Variants in DDX59 observed in about 807,000 individuals in gnomAD.
DDX59 encodes the protein DEAD-box helicase 59.
DDX59 carries 30 observed loss-of-function variants against 51.9 expected under a neutral mutation model. The ratio of observed to expected loss-of-function variants is 0.58; its 90% CI spans 0.43 to 0.78. The LOEUF is 0.78. Among genes scored for constraint, DDX59 ranks in the 30% least tolerant of loss-of-function variants. The pLI, the probability that DDX59 is intolerant of heterozygous loss-of-function variation, is 0.00. For synonymous variants in DDX59, 255 were observed against 253.3 expected (o/e 1.01, Z -0.06); for missense variants, 672 against 730.8 (o/e 0.92, Z 0.93).
At chr1:200,658,374 C>T (rs1033621553) in intron 4 of DDX59, among the ~76,000 whole-genome samples, 3 of 151,822 alleles carry the variant, frequency 2.0e-5, no homozygotes, top group African/African-American at 7.3e-5. Context: ...TCACAGATGC[C>T]TATGTCCACA....
At chr1:200,642,788 C>T (rs1267490930), downstream of DDX59, among the ~76,000 whole-genome samples, 1 of 152,144 alleles carries the variant, frequency 6.6e-6, no homozygotes, top group Non-Finnish European at 1.5e-5. Context: ...GAGTTAGGGG[C>T]TCTTTCCTCC....
chr1:200,654,146 G>A (rs1189497528), intron 4 of DDX59, among the ~76,000 whole-genome samples: 12 of 152,208 alleles, frequency 7.9e-5, no homozygotes. Flanking sequence ...GGGCGTGGTG[G>A]CTCAAGCCTG....
intron 4 of DDX59, among the ~76,000 whole-genome samples, chr1:200,658,625 G>A (rs1662182332): frequency 6.6e-6 from 1 of 152,196 alleles, no homozygotes; most frequent in South Asian, 2.1e-4. Flanking sequence ...GAGTGTGGGA[G>A]GTTGAGGCTG....
intron 3 of DDX59, among the ~76,000 whole-genome samples, chr1:200,661,877 G>A (rs73074965): frequency 0.12 from 18,014 of 152,170 alleles, 1,552 homozygotes; most frequent in East Asian, 0.41. Flanking sequence ...GGATCTGGAG[G>A]GAGGTGATTG....
At chr1:200,665,540 AC>A (rs1662672030) in intron 2 of DDX59, among the ~76,000 whole-genome samples, 1 of 152,160 alleles carries the variant, frequency 6.6e-6, no homozygotes. Context: ...ATGTGTTCCA[AC>A]TTCAGTATAA....
downstream of DDX59, chr1:200,644,002 G>A (rs1454613880): frequency 2.5e-6 from 1 of 392,390 alleles, no homozygotes; most frequent in African/African-American, 2.2e-5. Context: ...GTAGCTCTGA[G>A]GACTGTTTAT....
intron 3 of DDX59, among the ~76,000 whole-genome samples, chr1:200,661,300 T>C (rs981533536): frequency 2.0e-5 from 3 of 152,106 alleles, no homozygotes; most frequent in Admixed American, 2.0e-4. Flanking sequence ...TAAATAAATA[T>C]ATAAATAAAT....
chr1:200,656,388 G>A (rs139991023), intron 4 of DDX59, among the ~76,000 whole-genome samples: 51 of 152,162 alleles, frequency 3.4e-4, no homozygotes, highest in African/African-American at 1.1e-3. Context: ...TAACGTTCTC[G>A]CCTTTACTTC....
chr1:200,650,691 T>C lies in DDX59; in HGVS notation c.1063-15A>G. On this transcript the variant is annotated splice_polypyrimidine_tract_variant and intron_variant, in intron 4 of 7. Coordinates refer to ENST00000331314, the MANE Select transcript of DDX59 (RefSeq NM_001031725.6). ...ATGGTATCAGCCTAAAATAAAATTG[T>C]ATTAAAGTTAGTCTTGTTTGACATT... The C allele has an allele frequency of 6.3e-7, 1 of 1,579,686 alleles. No homozygotes were observed. Among genetic ancestry groups the C allele is most frequent in the Non-Finnish European group, 8.6e-7 (1 of 1,158,748 alleles).
intron 2 of DDX59, among the ~76,000 whole-genome samples, chr1:200,664,777 G>A (rs1159690378): frequency 6.6e-6 from 1 of 152,038 alleles, no homozygotes; most frequent in Non-Finnish European, 1.5e-5. Flanking sequence ...CTGGGTTCAA[G>A]TGATTCTCCT....
chr1:200,655,346 C>CT (rs760089370), intron 4 of DDX59, among the ~76,000 whole-genome samples: 3 of 148,954 alleles, frequency 2.0e-5, no homozygotes, highest in Non-Finnish European at 4.5e-5. Context: ...GTGACTCCTA[C>CT]TGCCTCCACC....
intron 7 of DDX59, among the ~76,000 whole-genome samples, chr1:200,645,869 G>C (rs1198100329): frequency 6.6e-6 from 1 of 152,148 alleles, no homozygotes; most frequent in Non-Finnish European, 1.5e-5. Context: ...GAGGAGAAGA[G>C]AGGCAAGCAA....
intron 2 of DDX59, among the ~76,000 whole-genome samples, chr1:200,665,293 TA>T (rs1313792821): frequency 2.0e-5 from 3 of 151,944 alleles, no homozygotes; most frequent in Admixed American, 2.0e-4. Context: ...CTGTCTCTAC[TA>T]AAAATACAAA....
chr1:200,650,212 A>G (rs1661569670), intron 5 of DDX59, among the ~76,000 whole-genome samples: 1 of 152,208 alleles, frequency 6.6e-6, no homozygotes, highest in African/African-American at 2.4e-5. Context: ...ATAATTCTAT[A>G]AGGAAAAGAA....
intron 2 of DDX59, among the ~76,000 whole-genome samples, 162 bp downstream of exon 2, chr1:200,665,775 A>C (rs531168090): frequency 6.6e-6 from 1 of 152,382 alleles, no homozygotes; most frequent in African/African-American, 2.4e-5. Flanking sequence ...TTATGTTTTC[A>C]TACAAACTAC....
At chr1:200,664,798 C>A (rs1006173145) in intron 2 of DDX59, among the ~76,000 whole-genome samples, 1 of 152,124 alleles carries the variant, frequency 6.6e-6, no homozygotes, top group Non-Finnish European at 1.5e-5. Context: ...GCCTCAGCCT[C>A]CCGAGTAGCT....
intron 3 of DDX59, among the ~76,000 whole-genome samples, chr1:200,663,251 A>T (rs1457168468): frequency 6.6e-6 from 1 of 152,164 alleles, no homozygotes; most frequent in Admixed American, 6.5e-5. Flanking sequence ...AGGGGCCCCG[A>T]GGACCCAGCT....
intron 2 of DDX59, among the ~76,000 whole-genome samples, chr1:200,665,280 A>C (rs2102924136): frequency 6.6e-6 from 1 of 152,222 alleles, no homozygotes; most frequent in Middle Eastern, 3.4e-3. Context: ...ATAAGGAGAA[A>C]CACTGTCTCT....
rs1003291028 is a variant in DDX59, at chr1:200,666,694, T to C, written c.47A>G (p.Asp16Gly). ...TATCTTAGCCACACAACTTTTGCCA[T>C]CATCATTAGCATTCCTCTTGATTTT... ...SLKIKRNANDDGKSCVAKIIK... is the reference protein window; with the variant it reads ...SLKIKRNANDGGKSCVAKIIK... The change falls in exon 2 of 8, where the codon GAT becomes GGT. Residue 16 changes from aspartate (D) to glycine (G), a missense_variant. By Grantham distance (94) the Asp-to-Gly change is moderately conservative. Transcript: ENST00000331314. The C allele has an allele frequency of 6.2e-7, 1 of 1,614,006 alleles. No homozygotes were observed. Among genetic ancestry groups the C allele is most frequent in the Non-Finnish European group, 8.5e-7 (1 of 1,179,846 alleles).
Sources: allele counts gnomAD v4.1 joint callset (sites outside exome capture counted in the v4.1 genomes callset), GRCh38; gene constraint gnomAD v4.1.1; transcripts MANE v1.5; gene names NCBI Gene and HGNC (gene_info 2026-07-23, HGNC 2026-07-21).